The following RYR2 variants were observed in gnomAD, a reference collection of about 807,000 sequenced individuals.
The protein encoded by RYR2 is ryanodine receptor 2.
In RYR2, 227 loss-of-function variants were observed where a neutral mutation model predicts 601.1. The observed-to-expected ratio is 0.38, with a 90% CI of 0.34 to 0.42. RYR2 has a LOEUF of 0.42. RYR2 is among the 10% of genes least tolerant of loss of function. The pLI, the probability that RYR2 is intolerant of heterozygous loss-of-function variation, is 1.00. For missense variants in RYR2, 4,646 were observed against 6,156.5 expected (o/e 0.75, Z 8.21); for synonymous variants, 2,223 against 2,175.1 (o/e 1.02, Z -0.61).
Position 237,410,731 on chromosome 1 carries a change from A to G in RYR2, c.774-6318A>G, listed in dbSNP as rs146809029. Among the ~76,000 whole-genome samples, 9 of 152,288 alleles carry G rather than the reference A, an allele frequency of 5.9e-5. No individual in the cohort carries two copies. In the East Asian group the frequency reaches 1.4e-3, roughly 23 times the overall value. ...TTTAAACCACCCTTTCATGGTGGCA[A>G]TGAAAGTCATAGTGGTGGGTGTCAA... is the stretch of plus-strand genomic sequence containing the variant. On this transcript the variant is annotated intron_variant, in intron 10 of 104. Coordinates refer to ENST00000366574, the MANE Select transcript of RYR2 (RefSeq NM_001035.3).
chr1:237,681,016 A>G (rs552001864), intron 62 of RYR2, among the ~76,000 whole-genome samples: 95 of 152,334 alleles, frequency 6.2e-4, no homozygotes, highest in African/African-American at 1.5e-3. Context: ...AAAATGAAGT[A>G]AAGATACCTA....
At chr1:237,310,059 C>A (rs1455002284) in intron 2 of RYR2, among the ~76,000 whole-genome samples, 2 of 152,202 alleles carry the variant, frequency 1.3e-5, no homozygotes, top group African/African-American at 4.8e-5. Context: ...GAAGGGCTCC[C>A]ACAGTGCAGC....
intron 1 of RYR2, among the ~76,000 whole-genome samples, chr1:237,056,482 G>GT (rs34666538): frequency 1.5e-5 from 2 of 132,768 alleles, no homozygotes; most frequent in Non-Finnish European, 1.6e-5. Flanking sequence ...GAGGACTAGA[G>GT]ACTGCACCTG....
At chr1:237,707,948 T>G (rs1688519804) in intron 68 of RYR2, among the ~76,000 whole-genome samples, 3 of 150,172 alleles carry the variant, frequency 2.0e-5, no homozygotes. Flanking sequence ...ATTTTTTTTT[T>G]TTTTTTTTTT....
intron 1 of RYR2, among the ~76,000 whole-genome samples, chr1:237,169,855 C>G (rs1677157881): frequency 8.3e-6 from 1 of 120,654 alleles, no homozygotes; most frequent in Admixed American, 9.0e-5. Flanking sequence ...TGTGGATCTC[C>G]TATCTTTTAT....
intron 1 of RYR2, among the ~76,000 whole-genome samples, chr1:237,067,200 G>A (rs1370684306): frequency 6.7e-6 from 1 of 148,490 alleles, no homozygotes; most frequent in Non-Finnish European, 1.5e-5. Context: ...GCTTTTTTTT[G>A]CCCCATGCCT....
At chr1:237,254,521 G>A (rs2149285964) in intron 1 of RYR2, among the ~76,000 whole-genome samples, 1 of 152,262 alleles carries the variant, frequency 6.6e-6, no homozygotes, top group African/African-American at 2.4e-5. Flanking sequence ...TTTCTTTTCA[G>A]AATTTTAACA....
At chr1:237,531,344 A>G (rs906150043) in intron 25 of RYR2, among the ~76,000 whole-genome samples, 1 of 152,180 alleles carries the variant, frequency 6.6e-6, no homozygotes, top group Non-Finnish European at 1.5e-5. Flanking sequence ...GCCTGTGGGC[A>G]TTAGTAATAC....
chr1:237,698,117 T>C (rs1280024206), intron 63 of RYR2, among the ~76,000 whole-genome samples: 1 of 149,600 alleles, frequency 6.7e-6, no homozygotes, highest in African/African-American at 2.5e-5. Context: ...TGTGTGTGTG[T>C]GTGTGTGTGT....
intron 51 of RYR2, 56 bp downstream of exon 51, chr1:237,651,557 T>C (rs1024531062): frequency 2.7e-6 from 3 of 1,113,194 alleles, no homozygotes; most frequent in African/African-American, 3.1e-5. Context: ...GACTTTATTT[T>C]CTATGACAAC....
intron 79 of RYR2, among the ~76,000 whole-genome samples, chr1:237,740,666 CT>C (rs1437398426): frequency 1.3e-5 from 2 of 152,032 alleles, no homozygotes; most frequent in South Asian, 4.1e-4. Flanking sequence ...AAGACTATGT[CT>C]TTGAGAAAAT....
At chr1:237,712,015 G>A (rs1271221745) in intron 71 of RYR2, among the ~76,000 whole-genome samples, 178 bp downstream of exon 71, 2 of 152,062 alleles carry the variant, frequency 1.3e-5, no homozygotes, top group Non-Finnish European at 2.9e-5. Flanking sequence ...TTTGAATCAG[G>A]CATGGTAAGA....
chr1:237,441,447 C>T lies in RYR2; in HGVS notation c.1134C>T (p.Asp378=), dbSNP rs193922621. 8.3e-4 allele frequency: 1,327 copies of T among 1,596,894 alleles called. 6 individuals are homozygous for T. Among genetic ancestry groups the T allele is most frequent in the Non-Finnish European group, 1.0e-3 (1,224 of 1,170,182 alleles). Residue 378 remains aspartate, a synonymous_variant, in exon 13 of 105, where the codon GAC becomes GAT. Transcript: ENST00000366574. The part of the protein sequence containing the change: ...TGLWLTYQSV[D]VKSVRMGSIQ... Reference sequence around the variant, plus strand: ...TATGGCTTACTTACCAGTCTGTGGACGTGAAATCCGTGAGAATGGGATCTA... The same window carrying T: ...TATGGCTTACTTACCAGTCTGTGGATGTGAAATCCGTGAGAATGGGATCTA...
intron 25 of RYR2, among the ~76,000 whole-genome samples, chr1:237,538,633 G>C (rs552047398): frequency 6.6e-6 from 1 of 151,416 alleles, no homozygotes; most frequent in East Asian, 2.0e-4. Context: ...TTAGCTGGGC[G>C]TGGTGGCACA....
intron 84 of RYR2, among the ~76,000 whole-genome samples, chr1:237,764,040 C>T (rs1949665): frequency 0.45 from 67,855 of 152,034 alleles, 16,521 homozygotes; most frequent in African/African-American, 0.66. Context: ...ATCTGTTGTA[C>T]CTGAATCTTC....
At chr1:237,824,732 T>C (rs1294171477) in intron 101 of RYR2, among the ~76,000 whole-genome samples, 1 of 152,062 alleles carries the variant, frequency 6.6e-6, no homozygotes, top group East Asian at 1.9e-4. Flanking sequence ...AGAAAGGAAG[T>C]CGAATTGTCT....
intron 24 of RYR2, among the ~76,000 whole-genome samples, chr1:237,512,765 G>A (rs1666037910): frequency 6.6e-6 from 1 of 152,136 alleles, no homozygotes; most frequent in East Asian, 1.9e-4. Context: ...CCAGCTACTT[G>A]GAGGCTGAGG....
At chr1:237,745,337 G>A (rs1477661401) in intron 80 of RYR2, among the ~76,000 whole-genome samples, 1 of 151,978 alleles carries the variant, frequency 6.6e-6, no homozygotes, top group African/African-American at 2.4e-5. Flanking sequence ...TTTTTATCAC[G>A]AATTATTTCA....
At chr1:237,378,022 C>A (rs1159658357) in intron 8 of RYR2, among the ~76,000 whole-genome samples, 2 of 152,056 alleles carry the variant, frequency 1.3e-5, no homozygotes, top group Admixed American at 1.3e-4. Flanking sequence ...AAAGACACAC[C>A]CAAAACTGGG....
Sources: gnomAD v4.1 joint callset for allele counts (sites outside exome capture counted in the v4.1 genomes callset) on GRCh38, gnomAD v4.1.1 for gene constraint, MANE v1.5 for transcripts, NCBI Gene and HGNC (gene_info 2026-07-23, HGNC 2026-07-21) for gene names.